The following CBL variants were observed in gnomAD, a reference collection of about 807,000 sequenced individuals.
CBL encodes the protein E3 ubiquitin-protein ligase CBL.
Under a neutral mutation model 96.9 loss-of-function variants are expected in CBL, and 45 were observed. The ratio of observed to expected loss-of-function variants is 0.46; its 90% CI spans 0.37 to 0.60. The LOEUF (loss-of-function observed/expected upper bound fraction) is 0.60. Among genes scored for constraint, CBL ranks in the 20% least tolerant of loss-of-function variants. CBL has a pLI of 0.00. For synonymous variants in CBL, 420 were observed against 426.8 expected (o/e 0.98, Z 0.20); for missense variants, 1,024 against 1,143.5 (o/e 0.90, Z 1.51).
intron 15 of CBL, 152 bp downstream of exon 15, chr11:119,298,692 T>TA: frequency 2.7e-6 from 2 of 742,686 alleles, no homozygotes; most frequent in Non-Finnish European, 4.7e-6. Flanking sequence ...GTTAGGAAGT[T>TA]AGACTGTAGT....
intron 2 of CBL, among the ~76,000 whole-genome samples, chr11:119,255,689 C>T (rs907336603): frequency 1.3e-5 from 2 of 151,878 alleles, no homozygotes; most frequent in African/African-American, 4.8e-5. Context: ...ATTTATCTTC[C>T]TGTATTTGTG....
chr11:119,265,115 A>G (rs1012322887), intron 2 of CBL, among the ~76,000 whole-genome samples: 1 of 152,136 alleles, frequency 6.6e-6, no homozygotes, highest in Non-Finnish European at 1.5e-5. Context: ...TCCTGAGTTC[A>G]AGCAATCTGC....
Position 119,306,635 on chromosome 11 carries a change from G to T in CBL, c.*6854G>T. The T allele has an allele frequency of 2.9e-6, 1 of 342,892 alleles. No individual in the cohort carries two copies. The highest frequency in any genetic ancestry group is 5.3e-6 in the Non-Finnish European group (1 of 190,300). 21.2% of individuals were successfully genotyped at this position (342,892 alleles called of 1,614,324 possible). A position where few individuals can be genotyped will look rare whatever the true frequency, so the allele number is the denominator to read the frequency against. ...CTTATGGCCATCTTAAAACTGGAGA[G>T]GCAGAGAACTACTTATGAGTCTGTA... is the stretch of plus-strand genomic sequence containing the variant. On this transcript the variant is annotated 3_prime_UTR_variant, in exon 16 of 16. Transcript: ENST00000264033.
At chr11:119,250,474 G>C (rs970609857) in intron 2 of CBL, among the ~76,000 whole-genome samples, 1 of 152,084 alleles carries the variant, frequency 6.6e-6, no homozygotes, top group African/African-American at 2.4e-5. Flanking sequence ...CAGATGCCTT[G>C]GCTTTCCCAG....
At chr11:119,283,744 TCTC>T (rs1949958074) in intron 9 of CBL, among the ~76,000 whole-genome samples, 1 of 145,660 alleles carries the variant, frequency 6.9e-6, no homozygotes, top group Non-Finnish European at 1.5e-5. Context: ...TTCATGCCAT[TCTC>T]CTGCCTCAGC....
At chr11:119,234,645 G>C (rs538496137) in intron 2 of CBL, among the ~76,000 whole-genome samples, 1 of 152,276 alleles carries the variant, frequency 6.6e-6, no homozygotes, top group South Asian at 2.1e-4. Context: ...ACAAAATTCT[G>C]TTGGGAGCCG....
At chr11:119,239,783 GT>G (rs1243706746) in intron 2 of CBL, among the ~76,000 whole-genome samples, 11 of 144,238 alleles carry the variant, frequency 7.6e-5, no homozygotes, top group East Asian at 2.0e-4. Context: ...TTTGGTTGTT[GT>G]TTTTTTTTTG....
chr11:119,252,450 GA>G (rs1236925484), intron 2 of CBL, among the ~76,000 whole-genome samples: 1 of 152,144 alleles, frequency 6.6e-6, no homozygotes, highest in African/African-American at 2.4e-5. Context: ...CTTAGGGAAA[GA>G]AAATCTTCCA....
chr11:119,287,854 T>C lies in CBL; in HGVS notation c.1944T>C (p.Ser648=). The C allele has an allele frequency of 6.2e-7, 1 of 1,604,642 alleles. No individual in the cohort carries two copies. The highest frequency in any genetic ancestry group is 8.5e-7 in the Non-Finnish European group (1 of 1,171,386). Reference sequence around the variant, plus strand: ...CAACACTTTTCTTTACTTTCCAGAGTATGAATAGCAGCCCATTAGTAGGTC... The same window carrying C: ...CAACACTTTTCTTTACTTTCCAGAGCATGAATAGCAGCCCATTAGTAGGTC... ...GSTFSLDTSM[S]MNSSPLVGPE... The change falls in exon 12 of 16, where the codon AGT becomes AGC. Residue 648 remains serine (S), a splice_region_variant and synonymous_variant. Coordinates refer to ENST00000264033, the MANE Select transcript of CBL (RefSeq NM_005188.4).
At chr11:119,260,764 C>T (rs1231610599) in intron 2 of CBL, among the ~76,000 whole-genome samples, 30 of 152,100 alleles carry the variant, frequency 2.0e-4, no homozygotes, top group Admixed American at 1.8e-3. Flanking sequence ...TTTTCTACTG[C>T]ACTACTATGC....
chr11:119,285,054 G>A lies in CBL; in HGVS notation c.1517G>A (p.Arg506Gln), dbSNP rs746728465. The change falls in exon 10 of 16, where the codon CGA (arginine) becomes CAA (glutamine). Residue 506 changes from arginine (R) to glutamine (Q), a missense_variant. Physicochemically the swap from Arg to Gln is conservative, Grantham distance 43. Transcript: ENST00000264033. Reference protein sequence around the residue: ...VPPRLDLLPQRVCVPSSASAL... With the variant: ...VPPRLDLLPQQVCVPSSASAL... ...CCACGACTTGACCTTCTGCCGCAGCGAGTATGTGTTCCCTCAAGTGCTTCT... is the reference window on the plus strand; with the variant it reads ...CCACGACTTGACCTTCTGCCGCAGCAAGTATGTGTTCCCTCAAGTGCTTCT... 3.1e-6 allele frequency: 5 copies of A among 1,614,124 alleles called. No homozygotes were observed. Among genetic ancestry groups the A allele is most frequent in the Non-Finnish European group, 4.2e-6 (5 of 1,180,024 alleles).
chr11:119,290,173 G>T (rs1277088185), intron 12 of CBL, among the ~76,000 whole-genome samples: 1 of 151,982 alleles, frequency 6.6e-6, no homozygotes, highest in Non-Finnish European at 1.5e-5. Context: ...AGCCTCCCGA[G>T]TAGCTGGGAC....
intron 2 of CBL, among the ~76,000 whole-genome samples, chr11:119,263,189 A>T (rs1949767551): frequency 6.6e-6 from 1 of 152,192 alleles, no homozygotes; most frequent in Admixed American, 6.5e-5. Flanking sequence ...TGGAAAGCGT[A>T]GATAGAGTGT....
Position 119,301,467 on chromosome 11 carries a change from A to C in CBL, c.*1686A>C, listed in dbSNP as rs147266033. ...GCTCTTTGATAAATCTGTCTTCCTG[A>C]AAATCTAAATCATGCTTTTGTCTTT... On this transcript the variant is annotated 3_prime_UTR_variant, in exon 16 of 16. Transcript: ENST00000264033. 322 of 230,852 alleles carry C rather than the reference A, an allele frequency of 1.4e-3. 2 individuals carry two copies. The highest frequency in any genetic ancestry group is 6.3e-3 in the African/African-American group (283 of 44,670). 14.3% of individuals were successfully genotyped at this position (230,852 alleles called of 1,614,324 possible).
rs370185842 is a variant in CBL, at chr11:119,228,870, G to A, written c.196-3578G>A. 9.2e-5 allele frequency among the ~76,000 whole-genome samples: 14 copies of A among 151,706 alleles called. No individual in the cohort carries two copies. The East Asian group carries it at 2.1e-3, about 23-fold the overall frequency. Reference sequence around the variant, plus strand: ...TTGTCCCCCAGGCTGGAGTGCAGTGGCGTGGTCTTGGCTCACTGCAAACTT... The same window carrying A: ...TTGTCCCCCAGGCTGGAGTGCAGTGACGTGGTCTTGGCTCACTGCAAACTT... On this transcript the variant is annotated intron_variant, in intron 1 of 15. Transcript: ENST00000264033.
chr11:119,242,242 G>A (rs1949591916), intron 2 of CBL, among the ~76,000 whole-genome samples: 1 of 152,070 alleles, frequency 6.6e-6, no homozygotes. Context: ...TGGAGGCCAA[G>A]AGTTTAAGAC....
intron 1 of CBL, among the ~76,000 whole-genome samples, chr11:119,214,457 C>G (rs921846222): frequency 6.6e-6 from 1 of 152,090 alleles, no homozygotes; most frequent in Admixed American, 6.6e-5. Flanking sequence ...CCATGTTGAC[C>G]GGGCTGGTCT....
At chr11:119,284,029 TA>T (rs1022075266) in intron 9 of CBL, among the ~76,000 whole-genome samples, 17 of 152,092 alleles carry the variant, frequency 1.1e-4, no homozygotes, top group South Asian at 6.2e-4. Context: ...AAATTCACCT[TA>T]AAAAAATTTT....
At chr11:119,232,842 G>A (rs1470239364) in intron 2 of CBL, 147 bp downstream of exon 2, 1 of 828,854 alleles carries the variant, frequency 1.2e-6, no homozygotes, top group African/African-American at 1.7e-5. Context: ...TATATAAAAG[G>A]TTGCCATGGA....
Sources: allele counts gnomAD v4.1 joint callset (sites outside exome capture counted in the v4.1 genomes callset), GRCh38; gene constraint gnomAD v4.1.1; transcripts MANE v1.5; gene names NCBI Gene and HGNC (gene_info 2026-07-23, HGNC 2026-07-21).